Variants in UBE2Z observed in about 807,000 individuals in gnomAD.
The protein encoded by UBE2Z is ubiquitin conjugating enzyme E2 Z, also known as ubiquitin-conjugating enzyme E2 Z.
In UBE2Z, 10 loss-of-function variants were observed where a neutral mutation model predicts 32.6. The observed-to-expected ratio is 0.31, with a 90% CI of 0.19 to 0.52. The LOEUF (loss-of-function observed/expected upper bound fraction) is 0.52, where lower values mean the gene tolerates loss of function less well. UBE2Z is among the 20% of genes least tolerant of loss of function. The pLI, the probability that UBE2Z is intolerant of heterozygous loss-of-function variation, is 0.97. For synonymous variants in UBE2Z, 183 were observed against 190.8 expected, an observed-to-expected ratio of 0.96 and a Z score of 0.34; for missense variants, 343 against 480.9, an observed-to-expected ratio of 0.71 and a Z score of 2.68.
rs1280011207 is a variant in UBE2Z at position 48,920,120 on chromosome 17, C to T, written c.691-1040C>T. 2.6e-5 allele frequency among the ~76,000 whole-genome samples: 4 copies of T among 151,784 alleles called. No homozygotes were observed. In the East Asian group the frequency reaches 7.8e-4, roughly 29 times the overall value. ...GGAGCATCGCTTGAGCCCAGGAATT[C>T]GAGGCAGCAGTAACCTCTGATCATG... On this transcript the variant is annotated intron_variant, in intron 4 of 6. Coordinates refer to ENST00000360943, the MANE Select transcript of UBE2Z (RefSeq NM_023079.5).
chr17:48,910,606 G>T, intron 1 of UBE2Z: 1 of 464,148 alleles, frequency 2.2e-6, no homozygotes, highest in Non-Finnish European at 3.9e-6. Context: ...ATGCCCTTTT[G>T]ATAATAATTT....
At chr17:48,919,580 C>T (rs967358244) in intron 4 of UBE2Z, among the ~76,000 whole-genome samples, 17 of 152,230 alleles carry the variant, frequency 1.1e-4, no homozygotes, top group Middle Eastern at 3.4e-3. Context: ...GGGCTTTAGC[C>T]ATCCTCTCAC....
chr17:48,926,015 T>C (rs1273778142), intron 6 of UBE2Z, among the ~76,000 whole-genome samples: 5 of 152,200 alleles, frequency 3.3e-5, no homozygotes. Context: ...TACCATCCAC[T>C]CAACTAGTTG....
At chr17:48,923,895 T>G (rs2040780434) in intron 6 of UBE2Z, among the ~76,000 whole-genome samples, 1 of 152,116 alleles carries the variant, frequency 6.6e-6, no homozygotes, top group Non-Finnish European at 1.5e-5. Context: ...CACAGCTAGT[T>G]TTTGTTTTGT....
In UBE2Z at chr17:48,923,103, C is replaced by T. The variant is rs926811420; in HGVS notation, c.894+166C>T. ...TTGGGAGGCCAAGGCGGGCGGATCACGAGGTCGGGAAATTGAGACCATCCT... is the reference window on the plus strand; with the variant it reads ...TTGGGAGGCCAAGGCGGGCGGATCATGAGGTCGGGAAATTGAGACCATCCT... On this transcript the variant is annotated intron_variant, in intron 6 of 6. Transcript: ENST00000360943. 1.4e-4 allele frequency: 70 copies of T among 513,662 alleles called. 2 individuals are homozygous for T. The highest frequency in any genetic ancestry group is 2.2e-4 in the Non-Finnish European group (64 of 294,318). The allele number at this position is 513,662 out of a possible 1,614,324, so 31.8% of individuals were successfully genotyped here. A position where few individuals can be genotyped will look rare whatever the true frequency, so the allele number is the denominator to read the frequency against.
At chr17:48,918,184 C>T (rs533447682) in intron 4 of UBE2Z, among the ~76,000 whole-genome samples, 2 of 152,012 alleles carry the variant, frequency 1.3e-5, no homozygotes, top group Admixed American at 6.6e-5. Context: ...GTGATCCACT[C>T]GCCTTGGCCT....
At chr17:48,911,416 A>T (rs1007770576) in intron 2 of UBE2Z, 3 of 154,700 alleles carry the variant, frequency 1.9e-5, no homozygotes, top group African/African-American at 7.2e-5. Flanking sequence ...TCCTCCTCTC[A>T]GAGAGAAAGC....
rs969626143 is a variant in UBE2Z, at chr17:48,927,779, C to G, written c.*645C>G. 6.5e-6 allele frequency: 1 copy of G among 152,828 alleles called. No homozygotes were observed. The highest frequency in any genetic ancestry group is 1.5e-5 in the Non-Finnish European group (1 of 68,204). 9.5% of individuals were successfully genotyped at this position (152,828 alleles called of 1,614,324 possible). On this transcript the variant is annotated 3_prime_UTR_variant, in exon 7 of 7. Coordinates refer to ENST00000360943, the MANE Select transcript of UBE2Z (RefSeq NM_023079.5). ...CAGTAAGCTTTACCTAGCACCTGAG[C>G]ACCTTTCTCCCCTCCCCTCTTTCCT...
At chr17:48,917,841 G>A (rs1039677082) in intron 4 of UBE2Z, among the ~76,000 whole-genome samples, 3 of 152,142 alleles carry the variant, frequency 2.0e-5, no homozygotes, top group Non-Finnish European at 4.4e-5. Context: ...CCACTCTTCC[G>A]ATGTGCCTTC....
intron 4 of UBE2Z, among the ~76,000 whole-genome samples, chr17:48,917,848 C>T (rs2040731387): frequency 6.6e-6 from 1 of 152,184 alleles, no homozygotes; most frequent in African/African-American, 2.4e-5. Flanking sequence ...TCCGATGTGC[C>T]TTCCTGAATT....
At chr17:48,920,795 G>A (rs1366994044) in intron 4 of UBE2Z, among the ~76,000 whole-genome samples, 2 of 152,142 alleles carry the variant, frequency 1.3e-5, no homozygotes, top group Admixed American at 6.6e-5. Context: ...TTCCTGAGTA[G>A]CTGGGACTAT....
intron 3 of UBE2Z, among the ~76,000 whole-genome samples, chr17:48,914,623 CTT>C (rs1212401848): frequency 1.3e-5 from 2 of 152,312 alleles, no homozygotes; most frequent in African/African-American, 2.4e-5. Flanking sequence ...ATATAAAACT[CTT>C]TTGAGATACC....
chr17:48,910,656 C>T (rs2040669653), intron 1 of UBE2Z, 152 bp from the exon 2 acceptor site: 1 of 609,004 alleles, frequency 1.6e-6, no homozygotes, highest in South Asian at 2.2e-5. Flanking sequence ...TGAGATTTCT[C>T]AGCCAACAAG....
intron 4 of UBE2Z, among the ~76,000 whole-genome samples, chr17:48,918,287 C>T (rs1321595674): frequency 1.3e-5 from 2 of 152,050 alleles, no homozygotes; most frequent in Non-Finnish European, 2.9e-5. Flanking sequence ...TTTGATTCTT[C>T]CTCTATAGAC....
At chr17:48,910,572 C>T in intron 1 of UBE2Z, 1 of 428,312 alleles carries the variant, frequency 2.3e-6, no homozygotes. Context: ...TTTCCTCTCT[C>T]CCTCCCCTCC....
intron 1 of UBE2Z, among the ~76,000 whole-genome samples, chr17:48,909,226 C>A (rs1222935745): frequency 6.6e-6 from 1 of 151,478 alleles, no homozygotes; most frequent in African/African-American, 2.4e-5. Context: ...GCCCGCAGGC[C>A]CCACCCATCG....
intron 4 of UBE2Z, among the ~76,000 whole-genome samples, chr17:48,919,859 A>G (rs1344749042): frequency 6.6e-6 from 1 of 152,184 alleles, no homozygotes; most frequent in East Asian, 1.9e-4. Flanking sequence ...ACCAGGAAGC[A>G]TCCTTTACTT....
At chr17:48,913,597 C>T (rs1013254739) in intron 3 of UBE2Z, among the ~76,000 whole-genome samples, 2 of 152,332 alleles carry the variant, frequency 1.3e-5, no homozygotes, top group Admixed American at 1.3e-4. Flanking sequence ...TCATCATCCA[C>T]TCACCTTGGC....
At position 48,916,196 on chromosome 17, in the gene UBE2Z, A is replaced by G; in HGVS notation, c.690+9A>G. 6.6e-7 allele frequency: 1 copy of G among 1,507,736 alleles called. No homozygotes were observed. Among genetic ancestry groups the G allele is most frequent in the Non-Finnish European group, 8.9e-7 (1 of 1,124,986 alleles). 93.4% of individuals were successfully genotyped at this position (1,507,736 alleles called of 1,614,324 possible). A position where few individuals can be genotyped will look rare whatever the true frequency, so the allele number is the denominator to read the frequency against. On this transcript the variant is annotated intron_variant, in intron 4 of 6. Transcript: ENST00000360943. ...AGCCCGGCTTTGAACAGGTAAGGCCAGATGGGCCTGGCTCTGGGGTGTAGA... is the reference window on the plus strand; with the variant it reads ...AGCCCGGCTTTGAACAGGTAAGGCCGGATGGGCCTGGCTCTGGGGTGTAGA...
Sources: allele counts gnomAD v4.1 joint callset (sites outside exome capture counted in the v4.1 genomes callset), GRCh38; gene constraint gnomAD v4.1.1; transcripts MANE v1.5; gene names NCBI Gene and HGNC (gene_info 2026-07-23, HGNC 2026-07-21).